Variants in SLC8A1 observed in about 807,000 individuals in gnomAD.
SLC8A1 encodes the protein sodium/calcium exchanger 1.
SLC8A1 carries 18 observed loss-of-function variants against 68.3 expected under a neutral mutation model. That is an observed-to-expected ratio of 0.26 (90% CI 0.18 to 0.39). The LOEUF is 0.39. SLC8A1 is among the 10% of genes least tolerant of loss of function. The pLI, the probability that SLC8A1 is intolerant of heterozygous loss-of-function variation, is 1.00. For synonymous variants in SLC8A1, 475 were observed against 415.5 expected (o/e 1.14, Z -1.74); for missense variants, 985 against 1,156.7 (o/e 0.85, Z 2.15).
chr2:40,381,883 C>A (rs1681927898), intron 2 of SLC8A1, among the ~76,000 whole-genome samples: 1 of 151,888 alleles, frequency 6.6e-6, no homozygotes. Flanking sequence ...CTCTTCCATA[C>A]CTCTCCCTAA....
At chr2:40,181,507 T>A (rs1056900697) in intron 2 of SLC8A1, among the ~76,000 whole-genome samples, 4 of 152,238 alleles carry the variant, frequency 2.6e-5, no homozygotes, top group Admixed American at 2.0e-4. Context: ...GGAATTTGCA[T>A]AATGGCATAT....
upstream of SLC8A1, among the ~76,000 whole-genome samples, chr2:40,457,000 G>T (rs1051328393): frequency 6.6e-6 from 1 of 152,142 alleles, no homozygotes; most frequent in South Asian, 2.1e-4. Context: ...AAGGGGCAAT[G>T]AATTCTTCTC....
At chr2:40,216,925 A>C (rs770147681) in intron 2 of SLC8A1, among the ~76,000 whole-genome samples, 1 of 152,158 alleles carries the variant, frequency 6.6e-6, no homozygotes, top group African/African-American at 2.4e-5. Context: ...TGGATCGCAA[A>C]AATTTTCTCC....
At chr2:40,227,175 A>C (rs947459086) in intron 2 of SLC8A1, among the ~76,000 whole-genome samples, 3 of 152,124 alleles carry the variant, frequency 2.0e-5, no homozygotes, top group African/African-American at 7.2e-5. Context: ...TCAACATTTA[A>C]GTTTGTACTT....
At chr2:40,346,600 TAATGG>T (rs141325048) in intron 2 of SLC8A1, among the ~76,000 whole-genome samples, 2,047 of 152,206 alleles carry the variant, frequency 0.013, 54 homozygotes, top group African/African-American at 0.046. Context: ...GCTTGTTCTC[TAATGG>T]AATTTACAAG....
chr2:40,402,133 G>A (rs1188219315), intron 2 of SLC8A1, among the ~76,000 whole-genome samples: 1 of 152,084 alleles, frequency 6.6e-6, no homozygotes, highest in East Asian at 1.9e-4. Flanking sequence ...TAAAGAAGCT[G>A]GTCAAAACCC....
intron 1 of SLC8A1, among the ~76,000 whole-genome samples, chr2:40,488,375 G>A (rs1311362495): frequency 4.6e-5 from 7 of 152,028 alleles, no homozygotes; most frequent in South Asian, 2.1e-4. Context: ...AGGCCCATTC[G>A]TATTCTCTCA....
chr2:40,307,313 A>G (rs2072838909), intron 2 of SLC8A1, among the ~76,000 whole-genome samples: 1 of 152,198 alleles, frequency 6.6e-6, no homozygotes, highest in African/African-American at 2.4e-5. Context: ...GGCAAGTATG[A>G]TTGCATGATA....
intron 2 of SLC8A1, among the ~76,000 whole-genome samples, chr2:40,244,898 A>T (rs1268685017): frequency 6.6e-6 from 1 of 152,146 alleles, no homozygotes; most frequent in African/African-American, 2.4e-5. Context: ...TGTCTGGGGG[A>T]TAAGTCCCAG....
intron 6 of SLC8A1, among the ~76,000 whole-genome samples, chr2:40,153,645 A>T (rs2043875483): frequency 6.6e-6 from 1 of 152,188 alleles, no homozygotes; most frequent in Non-Finnish European, 1.5e-5. Context: ...TACCTAGATA[A>T]CTAATAATAT....
rs189560797 is a variant in SLC8A1 at position 40,489,297 on chromosome 2, C to G, written c.-25+23052G>C. ...ATAATCTACCTCAAATTTTGCCAGG[C>G]TTAAATGGGATTACACGAGCCCCGT... is the stretch of plus-strand genomic sequence containing the variant. On this transcript the variant is annotated intron_variant, in intron 1 of 7. Transcript: ENST00000402441. Among the ~76,000 whole-genome samples the G allele has an allele frequency of 5.9e-5, 9 of 152,140 alleles. No individual in the cohort carries two copies. In the East Asian group the frequency reaches 1.7e-3, roughly 29 times the overall value.
intron 2 of SLC8A1, among the ~76,000 whole-genome samples, chr2:40,279,596 T>A (rs893719301): frequency 1.4e-4 from 22 of 152,208 alleles, no homozygotes; most frequent in African/African-American, 4.8e-4. Flanking sequence ...AGGGACATAA[T>A]TTCGGAGATG....
At chr2:40,380,817 C>T (rs1366237949) in intron 2 of SLC8A1, among the ~76,000 whole-genome samples, 1 of 152,040 alleles carries the variant, frequency 6.6e-6, no homozygotes, top group Non-Finnish European at 1.5e-5. Flanking sequence ...TCTGGCCTCC[C>T]TACTAAAATG....
intron 4 of SLC8A1, among the ~76,000 whole-genome samples, chr2:40,166,460 A>T (rs1460435663): frequency 3.9e-5 from 6 of 152,240 alleles, no homozygotes; most frequent in Admixed American, 2.0e-4. Flanking sequence ...CAGGGCACCA[A>T]ATAAATTAGT....
intron 6 of SLC8A1, among the ~76,000 whole-genome samples, chr2:40,144,788 T>C (rs188138826): frequency 1.3e-5 from 2 of 152,274 alleles, no homozygotes; most frequent in Admixed American, 1.3e-4. Context: ...TTTTTTTCTA[T>C]TTAAACATTT....
At chr2:40,328,338 G>A (rs1159443101) in intron 2 of SLC8A1, among the ~76,000 whole-genome samples, 2 of 152,164 alleles carry the variant, frequency 1.3e-5, no homozygotes, top group East Asian at 3.9e-4. Flanking sequence ...GACTTCCCCC[G>A]TTCCATTTGA....
intron 1 of SLC8A1, among the ~76,000 whole-genome samples, chr2:40,488,926 C>T (rs1358677181): frequency 2.0e-5 from 3 of 152,074 alleles, no homozygotes; most frequent in South Asian, 4.1e-4. Context: ...AACTACATAC[C>T]TGGGACAGAG....
chr2:40,365,835 T>A (rs1458149748), intron 2 of SLC8A1, among the ~76,000 whole-genome samples: 1 of 151,792 alleles, frequency 6.6e-6, no homozygotes, highest in Non-Finnish European at 1.5e-5. Flanking sequence ...ATCTCACCTC[T>A]ACAAAAAATT....
At position 40,328,666 on chromosome 2, in the gene SLC8A1, C is replaced by T. The variant is rs1232528916; in HGVS notation, c.1808+99807G>A. On this transcript the variant is annotated intron_variant, in intron 2 of 7. Coordinates refer to ENST00000406785, the Ensembl canonical transcript of SLC8A1. ...ACTCTTTCTGTGGTCTCTAGATAATCTGAAAGCACCACAGTTCGCAAGCGT... is the reference window on the plus strand; with the variant it reads ...ACTCTTTCTGTGGTCTCTAGATAATTTGAAAGCACCACAGTTCGCAAGCGT... 3.3e-5 allele frequency among the ~76,000 whole-genome samples: 5 copies of T among 152,314 alleles called. No homozygotes were observed. In the South Asian group the frequency reaches 6.2e-4, roughly 19 times the overall value.
Sources: gnomAD v4.1 joint callset for allele counts (sites outside exome capture counted in the v4.1 genomes callset) on GRCh38, gnomAD v4.1.1 for gene constraint, MANE v1.5 for transcripts, NCBI Gene and HGNC (gene_info 2026-07-23, HGNC 2026-07-21) for gene names.